Variants in INTS6 observed in about 807,000 individuals in gnomAD.
INTS6 encodes integrator complex subunit 6.
In INTS6, 16 loss-of-function variants were observed where a neutral mutation model predicts 104.9. The observed-to-expected ratio is 0.15, with a 90% CI of 0.10 to 0.23. The LOEUF is 0.23. INTS6 is among the 10% of genes least tolerant of loss of function. The probability of loss-of-function intolerance (pLI) is 1.00; values close to 1 mark genes in which losing one functional copy is unlikely to be tolerated. For synonymous variants in INTS6, 324 were observed against 358.7 expected, an observed-to-expected ratio of 0.90 and a Z score of 1.09; for missense variants, 584 against 1,062.8, an observed-to-expected ratio of 0.55 and a Z score of 6.26.
chr13:51,447,089 A>G (rs769815604), intron 3 of INTS6: 39 of 152,342 alleles, frequency 2.6e-4, no homozygotes, highest in Non-Finnish European at 1.9e-4. Context: ...TTTACAAAAT[A>G]CTATTCATCA....
In INTS6 at chr13:51,365,596, A is replaced by G; in HGVS notation, c.*156T>C. ...AATAAACCAAAATGAAGAAAAGGTC[A>G]CTGTAAAATGATGGAAAAAGGATCT... is the stretch of plus-strand genomic sequence containing the variant. On this transcript the variant is annotated 3_prime_UTR_variant, in exon 18 of 18. Coordinates refer to ENST00000311234, the MANE Select transcript of INTS6 (RefSeq NM_012141.3). 2.4e-6 allele frequency: 1 copy of G among 417,602 alleles called. No homozygotes were observed. Among genetic ancestry groups the G allele is most frequent in the Non-Finnish European group, 4.4e-6 (1 of 226,614 alleles). The allele number at this position is 417,602 out of a possible 1,614,324, so 25.9% of individuals were successfully genotyped here. A position where few individuals can be genotyped will look rare whatever the true frequency, so the allele number is the denominator to read the frequency against.
At chr13:51,429,763 CA>C (rs35873020) in intron 4 of INTS6, among the ~76,000 whole-genome samples, 112 of 27,088 alleles carry the variant, frequency 4.1e-3, no homozygotes, top group Admixed American at 0.011. Flanking sequence ...GACTCTGTCT[CA>C]AAAAAAAAAA....
intron 3 of INTS6, chr13:51,449,353 T>C (rs909697181): frequency 3.8e-6 from 2 of 521,594 alleles, no homozygotes; most frequent in African/African-American, 4.2e-5. Context: ...CGCAAACTTT[T>C]GGTAAGCCTT....
At chr13:51,370,361 A>G (rs1055192497) in intron 15 of INTS6, among the ~76,000 whole-genome samples, 1 of 152,124 alleles carries the variant, frequency 6.6e-6, no homozygotes, top group Non-Finnish European at 1.5e-5. Flanking sequence ...AGACTCAACC[A>G]TGCCATTCAC....
intron 3 of INTS6, chr13:51,438,826 T>C (rs1474879440): frequency 6.6e-6 from 1 of 152,252 alleles, no homozygotes; most frequent in Non-Finnish European, 1.5e-5. Context: ...AGACATCATT[T>C]TGCTAATTCC....
intron 4 of INTS6, among the ~76,000 whole-genome samples, chr13:51,404,660 C>A (rs547166435): frequency 2.0e-5 from 3 of 152,286 alleles, no homozygotes; most frequent in South Asian, 2.1e-4. Context: ...CTCATATATT[C>A]ATTCTTGCCT....
intron 4 of INTS6, among the ~76,000 whole-genome samples, chr13:51,429,786 ATATAT>A (rs374442105): frequency 5.0e-4 from 41 of 81,714 alleles, no homozygotes; most frequent in African/African-American, 1.1e-3. Flanking sequence ...AAAAAAAAAA[ATATAT>A]ATATATATAT....
intron 9 of INTS6, 38 bp downstream of exon 9, chr13:51,383,291 T>C (rs1302654243): frequency 6.5e-7 from 1 of 1,539,624 alleles, no homozygotes; most frequent in African/African-American, 1.4e-5. Context: ...AGAACTTTTA[T>C]ATGCTAAGCC....
intron 15 of INTS6, among the ~76,000 whole-genome samples, chr13:51,369,713 T>C (rs1256638065): frequency 6.6e-6 from 1 of 152,192 alleles, no homozygotes; most frequent in Non-Finnish European, 1.5e-5. Context: ...TCTGGTATCA[T>C]TTAGAGGCAA....
chr13:51,338,798 A>G, the INTS6 span, among the ~76,000 whole-genome samples: 1 of 152,364 alleles, frequency 6.6e-6, no homozygotes, highest in African/African-American at 2.4e-5. Flanking sequence ...TGAATTACCC[A>G]CTGATTACAG....
rs1173341336 is a variant in INTS6, at chr13:51,378,297, C to T, written c.1544G>A (p.Arg515Lys). 1 of 1,613,488 alleles carries T rather than the reference C, an allele frequency of 6.2e-7. No homozygotes were observed. Residue 515 changes from arginine to lysine, a missense_variant, in exon 12 of 18, where the codon AGA becomes AAA. Arg to Lys is a conservative substitution (Grantham distance 26, BLOSUM62 2). This residue lies in a region of INTS6 where 74 missense variants were observed against 64.4 expected (regional missense o/e 1.15). Coordinates refer to ENST00000311234, the MANE Select transcript of INTS6 (RefSeq NM_012141.3). ...LQGISEDVPH[R>K]LLDLNMKEYT... ...TTCCTTCATATTAAGGTCTAGCAGT[C>T]TGTGAGGGACATCCTCTGAAATTCC...
intron 4 of INTS6, among the ~76,000 whole-genome samples, chr13:51,416,334 G>GTCTACTT (rs1223148795): frequency 6.6e-6 from 1 of 152,192 alleles, no homozygotes; most frequent in Non-Finnish European, 1.5e-5. Context: ...CATCACCACT[G>GTCTACTT]TCTACTTTCA....
chr13:51,414,522 C>T (rs566617751), intron 4 of INTS6, among the ~76,000 whole-genome samples: 4 of 152,110 alleles, frequency 2.6e-5, no homozygotes, highest in African/African-American at 9.7e-5. Flanking sequence ...TAAATCTTTC[C>T]GTGATTTAAT....
chr13:51,450,440 T>C (rs1175368418), intron 3 of INTS6: 1 of 985,316 alleles, frequency 1.0e-6, no homozygotes, highest in African/African-American at 1.7e-5. Flanking sequence ...GTTTGGAGTT[T>C]AAATCAAAAC....
At chr13:51,369,369 T>TAAAG in intron 15 of INTS6, 59 bp from the exon 16 acceptor site, 5 of 1,491,884 alleles carry the variant, frequency 3.4e-6, no homozygotes, top group Non-Finnish European at 4.5e-6. Flanking sequence ...ATACAGTAAA[T>TAAAG]AAAGCTACAA....
intron 4 of INTS6, among the ~76,000 whole-genome samples, chr13:51,420,232 A>ATATTAT (rs1956869418): frequency 7.9e-6 from 1 of 127,356 alleles, no homozygotes; most frequent in African/African-American, 3.5e-5. Context: ...AATAATATTA[A>ATATTAT]TGCAGTAGTC....
the INTS6 span, among the ~76,000 whole-genome samples, chr13:51,342,612 A>G: frequency 6.6e-6 from 1 of 152,170 alleles, no homozygotes; most frequent in Non-Finnish European, 1.5e-5. Flanking sequence ...ATTCACTTCA[A>G]GCCAACTTAC....
intron 3 of INTS6, chr13:51,445,142 G>A (rs1288835757): frequency 6.6e-6 from 1 of 152,018 alleles, no homozygotes; most frequent in Non-Finnish European, 1.5e-5. Context: ...AGAATCCTAA[G>A]GCATGTGCTT....
chr13:51,334,740 G>C, the INTS6 span, among the ~76,000 whole-genome samples: 1 of 152,106 alleles, frequency 6.6e-6, no homozygotes, highest in African/African-American at 2.4e-5. Context: ...CCAGCACTTT[G>C]GGAGGCCGAG....
Sources: gnomAD v4.1 joint callset for allele counts (sites outside exome capture counted in the v4.1 genomes callset) on GRCh38, gnomAD v4.1.1 for gene constraint, gnomAD v4.1.1 regional missense constraint, MANE v1.5 for transcripts, NCBI Gene and HGNC (gene_info 2026-07-23, HGNC 2026-07-21) for gene names.